The following PSEN1 variants were observed in gnomAD, a reference collection of about 807,000 sequenced individuals.
PSEN1 encodes presenilin-1.
A neutral mutation model predicts 53.5 loss-of-function variants in PSEN1; 15 were observed. The ratio of observed to expected loss-of-function variants is 0.28; its 90% confidence interval spans 0.19 to 0.43. PSEN1 has a LOEUF of 0.43. Among genes scored for constraint, PSEN1 ranks in the 20% least tolerant of loss-of-function variants. The probability of loss-of-function intolerance (pLI) is 1.00; values close to 1 mark genes in which losing one functional copy is unlikely to be tolerated. For synonymous variants in PSEN1, 208 were observed against 209.8 expected, an observed-to-expected ratio of 0.99 and a Z score of 0.08; for missense variants, 387 against 571.2, an observed-to-expected ratio of 0.68 and a Z score of 3.29.
intron 7 of PSEN1, among the ~76,000 whole-genome samples, chr14:73,195,846 G>A (rs1277056745): frequency 6.6e-6 from 1 of 152,140 alleles, no homozygotes; most frequent in Non-Finnish European, 1.5e-5. Context: ...ATCCTATGAA[G>A]TATCAAGGCA....
At chr14:73,144,044 T>A (rs1178510688) in intron 1 of PSEN1, among the ~76,000 whole-genome samples, 1 of 129,750 alleles carries the variant, frequency 7.7e-6, no homozygotes, top group Non-Finnish European at 1.7e-5. Flanking sequence ...TCTTTTTTTT[T>A]TTTTTTTTTT....
At chr14:73,164,562 A>G (rs1358437656) in intron 3 of PSEN1, among the ~76,000 whole-genome samples, 2 of 152,196 alleles carry the variant, frequency 1.3e-5, no homozygotes, top group African/African-American at 2.4e-5. Context: ...TACTTTTTTT[A>G]TCACCATTTT....
At chr14:73,165,099 G>A (rs1245375438) in intron 3 of PSEN1, among the ~76,000 whole-genome samples, 2 of 152,000 alleles carry the variant, frequency 1.3e-5, no homozygotes, top group African/African-American at 4.8e-5. Context: ...TGAGATTACA[G>A]GTGCCCGCCA....
At chr14:73,212,088 C>CTTGTTTTTTTTT (rs1899715702) in intron 10 of PSEN1, 146 bp downstream of exon 10, 1 of 66,914 alleles carries the variant, frequency 1.5e-5, no homozygotes, top group Non-Finnish European at 2.8e-5. Flanking sequence ...AGTAATAGTG[C>CTTGTTTTTTTTT]TTTTTTTTTT....
At chr14:73,183,193 C>CCA in intron 5 of PSEN1, among the ~76,000 whole-genome samples, 1 of 152,320 alleles carries the variant, frequency 6.6e-6, no homozygotes, top group South Asian at 2.1e-4. Context: ...TCTCAGCTCT[C>CCA]CACAACCTCC....
In PSEN1 at chr14:73,173,620, C is replaced by T; in HGVS notation, c.393C>T (p.His131=). Residue 131 remains histidine (H), a synonymous_variant, in exon 5 of 12, where the codon CAC becomes CAT. Coordinates refer to ENST00000324501, the MANE Select transcript of PSEN1 (RefSeq NM_000021.4). The part of the protein sequence containing the change: ...DTETVGQRAL[H]SILNAAIMIS... Reference sequence around the variant, plus strand: ...AGACTGTGGGCCAGAGAGCCCTGCACTCAATTCTGAATGCTGCCATCATGA... The same window carrying T: ...AGACTGTGGGCCAGAGAGCCCTGCATTCAATTCTGAATGCTGCCATCATGA... 6.2e-7 allele frequency: 1 copy of T among 1,613,232 alleles called. No homozygotes were observed.
In PSEN1 at chr14:73,220,951, G is replaced by T. The variant is rs1486101970; in HGVS notation, c.*1662G>T. The T allele has an allele frequency of 6.6e-6, 1 of 152,342 alleles. No individual in the cohort carries two copies. Among genetic ancestry groups the T allele is most frequent in the South Asian group, 2.1e-4 (1 of 4,820 alleles). The allele number at this position is 152,342 out of a possible 1,614,324, so 9.4% of individuals were successfully genotyped here. A position where few individuals can be genotyped will look rare whatever the true frequency, so the allele number is the denominator to read the frequency against. On this transcript the variant is annotated 3_prime_UTR_variant, in exon 12 of 12. Coordinates refer to ENST00000324501, the MANE Select transcript of PSEN1 (RefSeq NM_000021.4). ...TATGAGAAACTTAGTTTCCTCCTGT[G>T]GCTGAGGAGGGGCCAGCTTTTTCTT...
In PSEN1 at chr14:73,185,222, A is replaced by G. The variant is rs1302051077; in HGVS notation, c.481-1631A>G. ...ACGGGGTGGCGGCCGGGCAGAGGCTACAATCTCGGCACTTTGGGAGGCCAA... is the reference window on the plus strand; with the variant it reads ...ACGGGGTGGCGGCCGGGCAGAGGCTGCAATCTCGGCACTTTGGGAGGCCAA... On this transcript the variant is annotated intron_variant, in intron 5 of 11. Transcript: ENST00000324501. Among the ~76,000 whole-genome samples, 1,018 of 143,408 alleles carry G rather than the reference A, an allele frequency of 7.1e-3. 16 individuals carry two copies. Among genetic ancestry groups the G allele is most frequent in the African/African-American group, 0.026 (974 of 38,176 alleles). 94.1% of individuals were successfully genotyped at this position (143,408 alleles called of 152,430 possible). A position where few individuals can be genotyped will look rare whatever the true frequency, so the allele number is the denominator to read the frequency against.
chr14:73,165,251 C>T (rs978836912), intron 3 of PSEN1, among the ~76,000 whole-genome samples: 18 of 152,256 alleles, frequency 1.2e-4, no homozygotes, highest in South Asian at 2.1e-4. Flanking sequence ...CCACCACGCC[C>T]GGCCCAAACT....
At chr14:73,206,091 TCTTGCTGGC>T in intron 8 of PSEN1, 1 of 382,404 alleles carries the variant, frequency 2.6e-6, no homozygotes, top group Non-Finnish European at 4.8e-6. Flanking sequence ...TTCAGTGGAA[TCTTGCTGGC>T]CTGAACAGTT....
intron 7 of PSEN1, 36 bp from the exon 8 acceptor site, chr14:73,197,995 T>G: frequency 8.3e-7 from 1 of 1,197,624 alleles, no homozygotes; most frequent in Non-Finnish European, 1.2e-6. Context: ...AGCCCATACA[T>G]TTTATTAGAT....
chr14:73,197,019 G>A (rs1197257178), intron 7 of PSEN1, among the ~76,000 whole-genome samples: 2 of 146,546 alleles, frequency 1.4e-5, no homozygotes, highest in Non-Finnish European at 3.0e-5. Flanking sequence ...TGCAAGCTCC[G>A]CTTCCCGGGT....
chr14:73,177,343 A>G (rs1252315455), intron 5 of PSEN1, among the ~76,000 whole-genome samples: 1 of 152,104 alleles, frequency 6.6e-6, no homozygotes, highest in African/African-American at 2.4e-5. Context: ...CCTTCATACC[A>G]TTTCATTATC....
chr14:73,141,958 T>A (rs1896941813), intron 1 of PSEN1, among the ~76,000 whole-genome samples: 2 of 151,756 alleles, frequency 1.3e-5, no homozygotes, highest in African/African-American at 2.4e-5. Context: ...TCCCAGCTAC[T>A]TGGGAGGCTG....
At chr14:73,216,370 T>C (rs566979881) in intron 10 of PSEN1, among the ~76,000 whole-genome samples, 5 of 152,328 alleles carry the variant, frequency 3.3e-5, no homozygotes, top group Non-Finnish European at 7.4e-5. Flanking sequence ...CAGCTCTCTC[T>C]ATATATAGTT....
chr14:73,190,546 A>G lies in PSEN1; in HGVS notation c.549-2098A>G, dbSNP rs531119127. Among the ~76,000 whole-genome samples, 40 of 152,176 alleles carry G rather than the reference A, an allele frequency of 2.6e-4. No homozygotes were observed. The South Asian group carries it at 5.4e-3, about 21-fold the overall frequency. On this transcript the variant is annotated intron_variant, in intron 6 of 11. Coordinates refer to ENST00000324501, the MANE Select transcript of PSEN1 (RefSeq NM_000021.4). Reference sequence around the variant, plus strand: ...ATTTGTGTCAAGTAGAAAAGTATATATATGACATGTATAGACTTTCTGGAA... The same window carrying G: ...ATTTGTGTCAAGTAGAAAAGTATATGTATGACATGTATAGACTTTCTGGAA...
intron 6 of PSEN1, among the ~76,000 whole-genome samples, chr14:73,188,052 C>T (rs989301290): frequency 1.3e-5 from 2 of 152,090 alleles, no homozygotes; most frequent in African/African-American, 4.8e-5. Context: ...CCTCAGCCCC[C>T]TGAGTAACCG....
intron 3 of PSEN1, 58 bp from the exon 4 acceptor site, chr14:73,170,739 G>T (rs565681598): frequency 1.8e-4 from 292 of 1,594,406 alleles, no homozygotes; most frequent in Non-Finnish European, 2.0e-4. Flanking sequence ...AGGTCTAACC[G>T]TTACCTTGAT....
At chr14:73,165,113 C>T (rs967748950) in intron 3 of PSEN1, among the ~76,000 whole-genome samples, 12 of 152,012 alleles carry the variant, frequency 7.9e-5, no homozygotes, top group African/African-American at 2.7e-4. Context: ...CCCGCCACCA[C>T]ACTGGCTAAT....
Sources: allele counts gnomAD v4.1 joint callset (sites outside exome capture counted in the v4.1 genomes callset), GRCh38; gene constraint gnomAD v4.1.1; transcripts MANE v1.5; gene names NCBI Gene and HGNC (gene_info 2026-07-23, HGNC 2026-07-21).